The following PIGL variants were observed in gnomAD, a reference collection of about 807,000 sequenced individuals.
The protein encoded by PIGL is phosphatidylinositol glycan anchor biosynthesis class L.
Under a neutral mutation model 31.1 loss-of-function variants are expected in PIGL, and 22 were observed. That is an observed-to-expected ratio of 0.71 (90% CI 0.51 to 1.01). The LOEUF is 1.01. Among genes scored for constraint, PIGL ranks in the 50% least tolerant of loss-of-function variants. The probability of loss-of-function intolerance (pLI) is 0.00; values close to 1 mark genes in which losing one functional copy is unlikely to be tolerated. For synonymous variants in PIGL, 131 were observed against 117.4 expected, an observed-to-expected ratio of 1.12 and a Z score of -0.75; for missense variants, 302 against 315.9, an observed-to-expected ratio of 0.96 and a Z score of 0.33.
intron 2 of PIGL, among the ~76,000 whole-genome samples, chr17:16,242,484 TG>T (rs1359400266): frequency 7.2e-5 from 11 of 152,258 alleles, no homozygotes; most frequent in Admixed American, 4.6e-4. Flanking sequence ...GTAGCTTTAT[TG>T]ATTTTTTAAT....
rs1372336904 is a variant in PIGL at position 16,299,908 on chromosome 17, G to C, written c.356G>C (p.Gly119Ala). Residue 119 changes from glycine to alanine, a missense_variant, in exon 3 of 7, where the codon GGC becomes GCC. By Grantham distance (60) the Gly-to-Ala change is moderately conservative. Transcript: ENST00000225609. Reference sequence around the variant, plus strand: ...TGTAGGGATTTCCCAGATGACCCAGGCATGCAGTGGGACACAGAGCACGTG... The same window carrying C: ...TGTAGGGATTTCCCAGATGACCCAGCCATGCAGTGGGACACAGAGCACGTG... ...IDNRDFPDDP[G>A]MQWDTEHVAR... The C allele has an allele frequency of 6.2e-7, 1 of 1,613,482 alleles. No homozygotes were observed. Among genetic ancestry groups the C allele is most frequent in the Non-Finnish European group, 8.5e-7 (1 of 1,179,514 alleles).
At chr17:16,229,481 CTTTTT>C (rs71353784) in intron 1 of PIGL, among the ~76,000 whole-genome samples, 1 of 114,206 alleles carries the variant, frequency 8.8e-6, no homozygotes, top group Non-Finnish European at 1.8e-5. Flanking sequence ...ACCGGTTTTC[CTTTTT>C]TTTTTTTTTT....
chr17:16,220,859 C>G (rs1225009930), intron 1 of PIGL, among the ~76,000 whole-genome samples: 1 of 152,152 alleles, frequency 6.6e-6, no homozygotes, highest in Non-Finnish European at 1.5e-5. Context: ...TCTCGAACTC[C>G]TGACCTCAGG....
intron 2 of PIGL, among the ~76,000 whole-genome samples, chr17:16,266,545 C>A (rs1327491445): frequency 6.6e-6 from 1 of 151,952 alleles, no homozygotes; most frequent in East Asian, 1.9e-4. Flanking sequence ...CGAATCAAGA[C>A]CTTTAACTGC....
At chr17:16,318,321 A>G (rs1235799397) in intron 6 of PIGL, among the ~76,000 whole-genome samples, 1 of 150,532 alleles carries the variant, frequency 6.6e-6, no homozygotes, top group Non-Finnish European at 1.5e-5. Context: ...CCCAAGCTGG[A>G]GTGCAGTGGT....
intron 2 of PIGL, among the ~76,000 whole-genome samples, chr17:16,271,535 A>G (rs1397373124): frequency 9.5e-5 from 14 of 147,998 alleles, no homozygotes; most frequent in East Asian, 3.9e-4. Context: ...CACATAGAAC[A>G]CTTTTTTTTT....
chr17:16,317,226 G>A (rs1053564746), intron 5 of PIGL: 4 of 1,005,450 alleles, frequency 4.0e-6, no homozygotes, highest in Non-Finnish European at 4.8e-6. Context: ...GAAAACGTAA[G>A]TAGTTTGTGC....
At chr17:16,287,526 G>A (rs531964718) in intron 2 of PIGL, among the ~76,000 whole-genome samples, 39 of 152,316 alleles carry the variant, frequency 2.6e-4, no homozygotes, top group African/African-American at 3.4e-4. Context: ...GCTGAGACTC[G>A]AATACATTCA....
chr17:16,301,232 A>G (rs1447126360), intron 3 of PIGL, among the ~76,000 whole-genome samples: 1 of 151,194 alleles, frequency 6.6e-6, no homozygotes. Context: ...AGCTAGAACT[A>G]TAGGCACATG....
chr17:16,258,125 A>AAGAGAGAG (rs1205962442), intron 2 of PIGL, among the ~76,000 whole-genome samples: 17 of 89,972 alleles, frequency 1.9e-4, no homozygotes, highest in African/African-American at 7.0e-4. Flanking sequence ...GAGAGAGAGA[A>AAGAGAGAG]AGAGAGAGAG....
chr17:16,234,322 A>G (rs575332237), intron 2 of PIGL, among the ~76,000 whole-genome samples: 8 of 151,850 alleles, frequency 5.3e-5, no homozygotes, highest in African/African-American at 1.9e-4. Flanking sequence ...TTAGCTGGGC[A>G]TTGTGGTCCA....
chr17:16,235,560 C>G (rs191866229), intron 2 of PIGL, among the ~76,000 whole-genome samples: 29 of 151,392 alleles, frequency 1.9e-4, no homozygotes, highest in Non-Finnish European at 3.7e-4. Context: ...GGTTCTCCCC[C>G]CTCAGTCTCC....
rs139923088 is a variant in PIGL at position 16,248,904 on chromosome 17, G to C, written c.335+14834G>C. ...TCCCAGATCAAGGTCTGGCAGGGTT[G>C]GTTTCTGGTAAGGGTCCTCAGCCTG... On this transcript the variant is annotated intron_variant, in intron 2 of 6. Coordinates refer to ENST00000225609, the MANE Select transcript of PIGL (RefSeq NM_004278.4). 1.7e-4 allele frequency among the ~76,000 whole-genome samples: 26 copies of C among 152,236 alleles called. No individual in the cohort carries two copies. In the East Asian group the frequency reaches 4.4e-3, roughly 26 times the overall value.
chr17:16,238,516 ACCT>A (rs1175776987), intron 2 of PIGL, among the ~76,000 whole-genome samples: 1 of 144,036 alleles, frequency 6.9e-6, no homozygotes. Context: ...GCTCACTGCA[ACCT>A]CCTCCTCCTG....
Position 16,217,333 on chromosome 17 carries a change from G to A in PIGL, c.107G>A (p.Arg36Gln). 2.5e-6 allele frequency: 4 copies of A among 1,614,208 alleles called. No individual in the cohort carries two copies. The highest frequency in any genetic ancestry group is 3.4e-6 in the Non-Finnish European group (4 of 1,180,036). ...ERMKSREQGG[R>Q]LGAESRTLLV... ...ATGAAGAGTCGGGAGCAGGGAGGACGGCTGGGAGCCGAAAGCCGGACCCTG... is the reference window on the plus strand; with the variant it reads ...ATGAAGAGTCGGGAGCAGGGAGGACAGCTGGGAGCCGAAAGCCGGACCCTG... The change falls in exon 1 of 7, where the codon CGG becomes CAG. Residue 36 changes from arginine (R) to glutamine (Q), a missense_variant. Transcript: ENST00000225609.
intron 2 of PIGL, among the ~76,000 whole-genome samples, chr17:16,252,079 T>C (rs1299055156): frequency 2.7e-5 from 4 of 148,932 alleles, no homozygotes; most frequent in East Asian, 2.0e-4. Context: ...TTTTTTTTTT[T>C]CTTTTTTTTT....
At chr17:16,245,237 C>T (rs951214228) in intron 2 of PIGL, among the ~76,000 whole-genome samples, 6 of 151,890 alleles carry the variant, frequency 4.0e-5, no homozygotes, top group Non-Finnish European at 7.4e-5. Context: ...GTGATCCACC[C>T]GCCTCGGCCT....
At chr17:16,228,236 T>C (rs1224473404) in intron 1 of PIGL, among the ~76,000 whole-genome samples, 1 of 149,270 alleles carries the variant, frequency 6.7e-6, no homozygotes, top group Non-Finnish European at 1.5e-5. Context: ...TTTATATTTT[T>C]ATTAGAGAAT....
chr17:16,284,514 G>A (rs544587247), intron 2 of PIGL, among the ~76,000 whole-genome samples: 2 of 152,196 alleles, frequency 1.3e-5, no homozygotes, highest in East Asian at 1.9e-4. Context: ...ATGCAGCTGG[G>A]GGCTACAAGA....
Sources: allele counts gnomAD v4.1 joint callset (sites outside exome capture counted in the v4.1 genomes callset), GRCh38; gene constraint gnomAD v4.1.1; transcripts MANE v1.5; gene names NCBI Gene and HGNC (gene_info 2026-07-23, HGNC 2026-07-21).